The following HAPSTR1 variants were observed in gnomAD, a reference collection of about 807,000 sequenced individuals.
The protein encoded by HAPSTR1 is HUWE1 associated protein modifying stress responses.
At chr16:9,100,776 C>A in the HAPSTR1 span, among the ~76,000 whole-genome samples, 4 of 152,118 alleles carry the variant, frequency 2.6e-5, no homozygotes, top group Non-Finnish European at 5.9e-5. Context: ...TTCAGGTGAT[C>A]CACCCACCTT....
chr16:9,101,618 G>C, the HAPSTR1 span, among the ~76,000 whole-genome samples: 1 of 151,930 alleles, frequency 6.6e-6, no homozygotes, highest in African/African-American at 2.4e-5. Context: ...TTTGTCTTTA[G>C]CAATAAAGAC....
chr16:9,097,130 G>T, the HAPSTR1 span, among the ~76,000 whole-genome samples: 6 of 152,060 alleles, frequency 3.9e-5, no homozygotes, highest in Non-Finnish European at 8.8e-5. Flanking sequence ...AGTAGAGACG[G>T]GGTTTCACCA....
At chr16:9,117,323 G>C in the HAPSTR1 span, 2 of 180,110 alleles carry the variant, frequency 1.1e-5, no homozygotes, top group African/African-American at 4.8e-5. Flanking sequence ...GTATTGCCAG[G>C]TTCCTAAAAT....
the HAPSTR1 span, among the ~76,000 whole-genome samples, chr16:9,096,702 A>G: frequency 6.6e-6 from 1 of 152,192 alleles, no homozygotes; most frequent in African/African-American, 2.4e-5. Flanking sequence ...TGTTCAAAAT[A>G]CCTTAGTGTG....
the HAPSTR1 span, among the ~76,000 whole-genome samples, chr16:9,093,386 G>A: frequency 3.9e-5 from 6 of 152,174 alleles, no homozygotes; most frequent in Admixed American, 3.3e-4. Context: ...GCTGGAAGAC[G>A]GCTGAGCCTT....
chr16:9,103,273 A>T, the HAPSTR1 span: 1 of 1,602,652 alleles, frequency 6.2e-7, no homozygotes, highest in Non-Finnish European at 8.5e-7. Context: ...AAGCCGTTTA[A>T]ACATATTTCT....
chr16:9,102,948 C>A, the HAPSTR1 span: 1 of 1,600,214 alleles, frequency 6.2e-7, no homozygotes, highest in South Asian at 1.1e-5. Flanking sequence ...CTCTAATGGT[C>A]ATGATACATG....
the HAPSTR1 span, chr16:9,092,233 C>T: frequency 1.3e-6 from 2 of 1,582,848 alleles, no homozygotes; most frequent in Non-Finnish European, 1.7e-6. Flanking sequence ...GGCACCTCTT[C>T]CAGAACTCGG....
At chr16:9,106,350 G>A in the HAPSTR1 span, 3 of 131,982 alleles carry the variant, frequency 2.3e-5, no homozygotes, top group East Asian at 4.3e-4. Flanking sequence ...GGAGTGTAGT[G>A]CTCACTGCGA....
chr16:9,092,018 C>T, the HAPSTR1 span: 14 of 1,481,028 alleles, frequency 9.5e-6, no homozygotes, highest in Admixed American at 2.6e-4. Flanking sequence ...GCGGCGGTGG[C>T]GGCGAGGCCG....
the HAPSTR1 span, chr16:9,120,047 T>C: frequency 6.6e-6 from 1 of 152,250 alleles, no homozygotes; most frequent in Non-Finnish European, 1.5e-5. Flanking sequence ...CTACTACCTC[T>C]AGTGGTGACT....
the HAPSTR1 span, chr16:9,092,894 TTTTTTTTTTTTTGGC>T: frequency 7.9e-7 from 1 of 1,257,914 alleles, no homozygotes; most frequent in South Asian, 1.5e-5. Flanking sequence ...TCTTTTTGGT[TTTTTTTTTTTTTGGC>T]TTGCTTTTCA....
chr16:9,098,617 T>G, the HAPSTR1 span, among the ~76,000 whole-genome samples: 1 of 152,122 alleles, frequency 6.6e-6, no homozygotes, highest in African/African-American at 2.4e-5. Context: ...GGCTAGGAGT[T>G]TGAGATCAGG....
the HAPSTR1 span, chr16:9,092,185 G>C: frequency 6.3e-7 from 1 of 1,580,460 alleles, no homozygotes; most frequent in South Asian, 1.2e-5. Context: ...AGGAGGCGGC[G>C]GCCGCCGCGC....
chr16:9,092,858 T>G, the HAPSTR1 span: 2 of 1,428,396 alleles, frequency 1.4e-6, no homozygotes, highest in Non-Finnish European at 1.9e-6. Context: ...TTCTCTTTCT[T>G]TCTCTTTCTA....
chr16:9,114,995 G>A, the HAPSTR1 span, among the ~76,000 whole-genome samples: 289 of 152,324 alleles, frequency 1.9e-3, no homozygotes, highest in African/African-American at 6.8e-3. Flanking sequence ...ACCAGCAGGA[G>A]GGGAGGATGT....
chr16:9,103,987 C>G, the HAPSTR1 span: 2 of 152,070 alleles, frequency 1.3e-5, no homozygotes, highest in Non-Finnish European at 2.9e-5. Context: ...ACCTGTGTGA[C>G]AGCATTGAAT....
At chr16:9,095,592 G>C in the HAPSTR1 span, among the ~76,000 whole-genome samples, 30 of 152,090 alleles carry the variant, frequency 2.0e-4, no homozygotes, top group South Asian at 1.2e-3. Context: ...CTACCAAGAA[G>C]TTCATTAGGT....
chr16:9,112,840 A>G, the HAPSTR1 span: 1 of 152,174 alleles, frequency 6.6e-6, no homozygotes, highest in South Asian at 2.1e-4. Flanking sequence ...TAAAATGGAT[A>G]CAGACACTTT....
Sources: allele counts gnomAD v4.1 joint callset (sites outside exome capture counted in the v4.1 genomes callset), GRCh38; gene constraint gnomAD v4.1.1; transcripts MANE v1.5; gene names NCBI Gene and HGNC (gene_info 2026-07-23, HGNC 2026-07-21).